Variants in KYNU observed in about 807,000 individuals in gnomAD.
KYNU encodes the protein kynureninase.
Under a neutral mutation model 59.2 loss-of-function variants are expected in KYNU, and 54 were observed. The ratio of observed to expected loss-of-function variants is 0.91; its 90% CI spans 0.73 to 1.14. KYNU has a LOEUF of 1.14. Among genes scored for constraint, KYNU ranks in the 50% most tolerant of loss-of-function variants. KYNU has a pLI of 0.00. For synonymous variants in KYNU, 177 were observed against 192.0 expected (o/e 0.92, Z 0.65); for missense variants, 567 against 554.4 (o/e 1.02, Z -0.23).
At chr2:142,936,207 A>C (rs1413692521) in intron 4 of KYNU, among the ~76,000 whole-genome samples, 2 of 152,186 alleles carry the variant, frequency 1.3e-5, no homozygotes, top group African/African-American at 4.8e-5. Flanking sequence ...TGAGTGCAAA[A>C]AACGCCTGGA....
intron 10 of KYNU, among the ~76,000 whole-genome samples, chr2:143,002,391 C>T (rs572720298): frequency 4.6e-5 from 7 of 152,294 alleles, no homozygotes; most frequent in African/African-American, 1.4e-4. Flanking sequence ...TTTTACTCTT[C>T]GTGTAGTCCC....
chr2:142,881,916 CTTTTTTTT>C (rs869099302), intron 1 of KYNU, among the ~76,000 whole-genome samples: 9 of 113,162 alleles, frequency 8.0e-5, no homozygotes, highest in South Asian at 3.2e-4. Flanking sequence ...TTTCTTTTTT[CTTTTTTTT>C]TTTTTTTTTT....
chr2:143,028,848 CAA>C (rs1291250979), intron 10 of KYNU, among the ~76,000 whole-genome samples: 13 of 149,824 alleles, frequency 8.7e-5, no homozygotes, highest in African/African-American at 3.2e-4. Context: ...AACTCTGTCT[CAA>C]ACAAAACAAA....
At position 143,040,643 on chromosome 2, in the gene KYNU, A is replaced by G. The variant is rs1262798338; in HGVS notation, c.1257A>G (p.Glu419=). The change falls in exon 13 of 14, where the codon GAA becomes GAG. Residue 419 remains glutamate (E), a synonymous_variant. Transcript: ENST00000264170. The stretch of plus-strand genomic sequence containing the variant: ...ACAAAGATGTTTTCCAAGAACTAGA[A>G]AAAAGAGGAGTGGTTGTAAGTATGT... ...VPNKDVFQEL[E]KRGVVCDKRN... 1 of 1,604,396 alleles carries G rather than the reference A, an allele frequency of 6.2e-7. No individual in the cohort carries two copies. The highest frequency in any genetic ancestry group is 8.5e-7 in the Non-Finnish European group (1 of 1,173,974).
chr2:142,934,223 T>C (rs1005626749), intron 4 of KYNU, among the ~76,000 whole-genome samples: 5 of 152,134 alleles, frequency 3.3e-5, no homozygotes, highest in Admixed American at 2.0e-4. Flanking sequence ...GCTTCTGTGA[T>C]AGGAACTGGG....
At position 143,044,416 on chromosome 2, in the gene KYNU, T is replaced by C. The variant is rs1211464156; in HGVS notation, c.*2244T>C. 6.6e-6 allele frequency: 1 copy of C among 152,210 alleles called. No individual in the cohort carries two copies. Among genetic ancestry groups the C allele is most frequent in the African/African-American group, 2.4e-5 (1 of 41,456 alleles). The allele number at this position is 152,210 out of a possible 1,614,324, so 9.4% of individuals were successfully genotyped here. ...TCCTCGAGGAATTGCCACACTGTCT[T>C]CCACAATGGTTGAACTAATTTATAC... On this transcript the variant is annotated 3_prime_UTR_variant, in exon 14 of 14. Transcript: ENST00000264170.
At chr2:142,963,286 G>A (rs534159998) in intron 8 of KYNU, among the ~76,000 whole-genome samples, 5 of 152,122 alleles carry the variant, frequency 3.3e-5, no homozygotes, top group East Asian at 1.9e-4. Flanking sequence ...ATCCTCAATC[G>A]TGTCTTCTTC....
At chr2:142,885,887 C>G (rs1372960013) in intron 2 of KYNU, among the ~76,000 whole-genome samples, 1 of 152,150 alleles carries the variant, frequency 6.6e-6, no homozygotes, top group African/African-American at 2.4e-5. Flanking sequence ...GTTAGAATAG[C>G]TCTTATATTC....
At chr2:142,962,593 T>A (rs1389680546) in intron 8 of KYNU, among the ~76,000 whole-genome samples, 1 of 152,202 alleles carries the variant, frequency 6.6e-6, no homozygotes, top group African/African-American at 2.4e-5. Flanking sequence ...ATTTGTTAAA[T>A]GTTTTGCAGG....
intron 8 of KYNU, among the ~76,000 whole-genome samples, chr2:142,973,996 C>T (rs1684814790): frequency 6.6e-6 from 1 of 152,222 alleles, no homozygotes; most frequent in Admixed American, 6.5e-5. Context: ...CTTATGTATG[C>T]TCCAATTCGT....
Position 142,907,147 on chromosome 2 carries a change from T to A in KYNU, c.170-11462T>A, listed in dbSNP as rs147709885. On this transcript the variant is annotated intron_variant, in intron 2 of 13. Coordinates refer to ENST00000264170, the MANE Select transcript of KYNU (RefSeq NM_003937.3). ...AATGTTACCAGCGGATCTTTGTTCT[T>A]AGAGCTCCCAAGATGATGGTGGGCT... is the stretch of plus-strand genomic sequence containing the variant. 3.7e-4 allele frequency among the ~76,000 whole-genome samples: 56 copies of A among 152,298 alleles called. No homozygotes were observed. The East Asian group carries it at 8.9e-3, about 24-fold the overall frequency.
intron 8 of KYNU, among the ~76,000 whole-genome samples, chr2:142,973,676 C>G (rs1043015506): frequency 1.3e-5 from 2 of 152,088 alleles, no homozygotes; most frequent in African/African-American, 4.8e-5. Flanking sequence ...ACTCATCCCT[C>G]GCTCCCATTG....
At chr2:142,906,003 C>T (rs1682281434) in intron 2 of KYNU, among the ~76,000 whole-genome samples, 1 of 151,502 alleles carries the variant, frequency 6.6e-6, no homozygotes, top group Admixed American at 6.6e-5. Flanking sequence ...TCATCTCTGT[C>T]TCTCTCTCTC....
intron 4 of KYNU, among the ~76,000 whole-genome samples, chr2:142,949,165 G>A (rs919892418): frequency 6.6e-6 from 1 of 152,226 alleles, no homozygotes; most frequent in Non-Finnish European, 1.5e-5. Context: ...CTCCACCCCT[G>A]TGGCTTTGCA....
At chr2:143,022,519 GATA>G (rs1361368756) in intron 10 of KYNU, among the ~76,000 whole-genome samples, 10 of 151,970 alleles carry the variant, frequency 6.6e-5, no homozygotes, top group Non-Finnish European at 7.4e-5. Context: ...CACAAAAAAT[GATA>G]ATATCTCCCA....
intron 4 of KYNU, among the ~76,000 whole-genome samples, chr2:142,933,662 CAAG>C (rs1683297052): frequency 6.6e-6 from 1 of 151,986 alleles, no homozygotes; most frequent in Non-Finnish European, 1.5e-5. Context: ...CTCGTTTTGT[CAAG>C]AAGTTTAAAA....
intron 4 of KYNU, among the ~76,000 whole-genome samples, chr2:142,943,730 A>G (rs1469429278): frequency 6.6e-6 from 1 of 152,190 alleles, no homozygotes; most frequent in African/African-American, 2.4e-5. Context: ...TGACCCTCAG[A>G]GAAGCAATAA....
intron 10 of KYNU, among the ~76,000 whole-genome samples, chr2:143,006,431 A>T (rs1454635216): frequency 6.6e-6 from 1 of 150,606 alleles, no homozygotes; most frequent in Admixed American, 6.6e-5. Flanking sequence ...GCTGATTGCT[A>T]GCACAGCAGT....
chr2:142,970,552 C>T (rs1684688661), intron 8 of KYNU, among the ~76,000 whole-genome samples: 1 of 152,144 alleles, frequency 6.6e-6, no homozygotes, highest in Non-Finnish European at 1.5e-5. Flanking sequence ...AAATTAAATA[C>T]TTGCTTCAAA....
Sources: gnomAD v4.1 joint callset for allele counts (sites outside exome capture counted in the v4.1 genomes callset) on GRCh38, gnomAD v4.1.1 for gene constraint, MANE v1.5 for transcripts, NCBI Gene and HGNC (gene_info 2026-07-23, HGNC 2026-07-21) for gene names.